ABCC11: variants seen among roughly 807,000 people sequenced by gnomAD.
ABCC11 encodes the protein ATP-binding cassette sub-family C member 11.
In ABCC11, 135 loss-of-function variants were observed where a neutral mutation model predicts 149.3. That is an observed-to-expected ratio of 0.90 (90% CI 0.79 to 1.04). The LOEUF is 1.04. Among genes scored for constraint, ABCC11 ranks in the 50% least tolerant of loss-of-function variants. The pLI, the probability that ABCC11 is intolerant of heterozygous loss-of-function variation, is 0.00. For synonymous variants in ABCC11, 665 were observed against 671.4 expected, an observed-to-expected ratio of 0.99 and a Z score of 0.15; for missense variants, 1,680 against 1,722.1, an observed-to-expected ratio of 0.98 and a Z score of 0.43.
At chr16:48,245,956 G>A (rs1388167280) in intron 1 of ABCC11, among the ~76,000 whole-genome samples, 2 of 152,106 alleles carry the variant, frequency 1.3e-5, no homozygotes, top group Admixed American at 1.3e-4. Flanking sequence ...TTTCCTGGCA[G>A]TTATCCCTTA....
intron 1 of ABCC11, chr16:48,244,639 C>T: frequency 7.5e-7 from 1 of 1,340,296 alleles, no homozygotes; most frequent in Non-Finnish European, 9.5e-7. Context: ...TGGCTGCCCC[C>T]GCGGCGGCGG....
rs1320379455 is a variant in ABCC11 at position 48,205,509 on chromosome 16, AC to A, written c.1708del (p.Val570CysfsTer43). The A allele has an allele frequency of 6.2e-7, 1 of 1,613,700 alleles. No individual in the cohort carries two copies. Among genetic ancestry groups the A allele is most frequent in the Admixed American group, 1.7e-5 (1 of 60,006 alleles). ...GGGGACATAGGCCAGGCTTCCCTGC[AC>A]CCCCACCGAGCCCTCGAGCAAGTGC... ...EMHLLEGSVG[V>X]QGSLAYVPQQ... On this transcript the variant is annotated frameshift_variant, in exon 13 of 30. Coordinates refer to ENST00000356608, the MANE Select transcript of ABCC11 (RefSeq NM_001370497.1). LOFTEE classifies it high-confidence loss of function.
intron 1 of ABCC11, among the ~76,000 whole-genome samples, chr16:48,245,847 G>T (rs997534982): frequency 6.6e-6 from 1 of 151,848 alleles, no homozygotes; most frequent in Admixed American, 6.6e-5. Context: ...CTGGTATATC[G>T]TATGCTCTCA....
chr16:48,239,966 A>G (rs781603334), intron 1 of ABCC11, among the ~76,000 whole-genome samples: 4 of 152,242 alleles, frequency 2.6e-5, no homozygotes, highest in Non-Finnish European at 5.9e-5. Context: ...AATCAAAACC[A>G]CAGTGAGATG....
chr16:48,185,057 A>G (rs73540877), intron 22 of ABCC11, among the ~76,000 whole-genome samples: 8 of 152,298 alleles, frequency 5.3e-5, no homozygotes, highest in African/African-American at 1.9e-4. Context: ...GGTCTCTGGG[A>G]GCTTAAAGGT....
At chr16:48,195,878 G>C (rs7191844) in intron 18 of ABCC11, among the ~76,000 whole-genome samples, 25,579 of 152,098 alleles carry the variant, frequency 0.17, 2,275 homozygotes, top group Middle Eastern at 0.22. Flanking sequence ...GAAATAATGA[G>C]GCAGGGGCAC....
intron 23 of ABCC11, among the ~76,000 whole-genome samples, chr16:48,180,296 C>T (rs1966347491): frequency 6.6e-6 from 1 of 152,236 alleles, no homozygotes. Context: ...TATCTCCTCT[C>T]CAGCCTTTGA....
rs140765057 is a variant in ABCC11 at position 48,193,950 on chromosome 16, C to T, written c.2437G>A (p.Val813Met). 198 of 1,613,870 alleles carry T rather than the reference C, an allele frequency of 1.2e-4. No homozygotes were observed. In the Admixed American group the frequency reaches 1.8e-3, roughly 15 times the overall value. The change falls in exon 19 of 30, where the codon GTG (valine) becomes ATG (methionine). Residue 813 changes from valine (V) to methionine (M), a missense_variant. Coordinates refer to ENST00000356608, the MANE Select transcript of ABCC11 (RefSeq NM_001370497.1). Reference protein sequence around the residue: ...YMVSCIIFFFVVLIVFLTIFS... With the variant: ...YMVSCIIFFFMVLIVFLTIFS... ...ATCGTTAAGAAGACGATCAGCACCA[C>T]GAAGAAGAAAATTATGCAAGAGACC...
At chr16:48,181,821 G>A (rs1473820033) in intron 23 of ABCC11, among the ~76,000 whole-genome samples, 2 of 152,126 alleles carry the variant, frequency 1.3e-5, no homozygotes, top group East Asian at 1.9e-4. Context: ...CACCATGTTA[G>A]CCAGGATAGT....
chr16:48,223,688 G>A (rs1969895696), intron 5 of ABCC11: 1 of 152,520 alleles, frequency 6.6e-6, no homozygotes, highest in Non-Finnish European at 1.5e-5. Context: ...CAGTGATCAT[G>A]TGACCCCAGC....
intron 1 of ABCC11, among the ~76,000 whole-genome samples, chr16:48,235,726 C>A (rs1482305123): frequency 6.6e-6 from 1 of 152,180 alleles, no homozygotes; most frequent in Non-Finnish European, 1.5e-5. Context: ...GTAAGACCAT[C>A]ATTGTAGTCA....
rs1969257267 is a variant in ABCC11 at position 48,215,351 on chromosome 16, T to A, written c.952-7A>T. The A allele has an allele frequency of 6.2e-7, 1 of 1,611,756 alleles. No homozygotes were observed. The highest frequency in any genetic ancestry group is 1.3e-5 in the African/African-American group (1 of 74,842). On this transcript the variant is annotated splice_polypyrimidine_tract_variant and splice_region_variant and intron_variant, in intron 7 of 29. Transcript: ENST00000356608. ...CCATTCTTGTCATGAATACCTGGAG[T>A]CAGGATACAGCAAGTTTGGAGTTGA...
intron 26 of ABCC11, among the ~76,000 whole-genome samples, chr16:48,173,069 C>CT (rs1965819643): frequency 6.6e-6 from 1 of 152,164 alleles, no homozygotes; most frequent in Non-Finnish European, 1.5e-5. Flanking sequence ...CTCCAAAGCA[C>CT]TTTCATAGAT....
chr16:48,235,120 A>G (rs1156801298), intron 1 of ABCC11: 1 of 152,146 alleles, frequency 6.6e-6, no homozygotes, highest in Non-Finnish European at 1.5e-5. Flanking sequence ...AAGAAATTAG[A>G]TTTTCTCTCA....
chr16:48,174,453 T>C (rs1457419226), intron 26 of ABCC11, among the ~76,000 whole-genome samples: 2 of 152,188 alleles, frequency 1.3e-5, no homozygotes, highest in Non-Finnish European at 2.9e-5. Flanking sequence ...TCTTCCTCAG[T>C]CCCCATGCCT....
At chr16:48,227,086 G>GGA (rs1400173875) in intron 4 of ABCC11, among the ~76,000 whole-genome samples, 1 of 152,144 alleles carries the variant, frequency 6.6e-6, no homozygotes, top group African/African-American at 2.4e-5. Flanking sequence ...TTGAGCACTG[G>GGA]GAGACTGGGC....
At position 48,213,493 on chromosome 16, in the gene ABCC11, T is replaced by C. The variant is rs1209096877; in HGVS notation, c.1306A>G (p.Ile436Val). The C allele has an allele frequency of 6.2e-7, 1 of 1,612,230 alleles. No individual in the cohort carries two copies. The highest frequency in any genetic ancestry group is 8.5e-7 in the Non-Finnish European group (1 of 1,179,118). The change falls in exon 10 of 30, where the codon ATT becomes GTT. Residue 436 changes from isoleucine (I) to valine (V), a missense_variant. By Grantham distance (29) the Ile-to-Val change is conservative. Transcript: ENST00000356608. ...LLRLSVFFVP[I>V]AVKGLTNSKS... ...GAATTCGTGAGACCTTTGACTGCAA[T>C]AGGCACAAAGAACACTGACAGCCGA...
Position 48,187,427 on chromosome 16 carries a change from C to T in ABCC11, c.2707G>A (p.Val903Ile). Reference protein sequence around the residue: ...TALHNKLFNKVFRCPMSFFDT... With the variant: ...TALHNKLFNKIFRCPMSFFDT... Reference sequence around the variant, plus strand: ...AAGAAACTCATGGGGCAGCGGAAAACCTGCAGGGACAAAATCAACGCAGAC... The same window carrying T: ...AAGAAACTCATGGGGCAGCGGAAAATCTGCAGGGACAAAATCAACGCAGAC... The change falls in exon 21 of 30, where the codon GTT becomes ATT. Residue 903 changes from valine to isoleucine, a missense_variant and splice_region_variant. Coordinates refer to ENST00000356608, the MANE Select transcript of ABCC11 (RefSeq NM_001370497.1). 2 of 1,608,242 alleles carry T rather than the reference C, an allele frequency of 1.2e-6. No individual in the cohort carries two copies. The highest frequency in any genetic ancestry group is 1.7e-6 in the Non-Finnish European group (2 of 1,176,792).
At chr16:48,244,035 A>G (rs1175270840) in intron 1 of ABCC11, among the ~76,000 whole-genome samples, 2 of 150,344 alleles carry the variant, frequency 1.3e-5, no homozygotes, top group Non-Finnish European at 2.9e-5. Context: ...AGTTCGAATC[A>G]AAAGTTAAAA....
Sources: allele counts gnomAD v4.1 joint callset (sites outside exome capture counted in the v4.1 genomes callset), GRCh38; gene constraint gnomAD v4.1.1; transcripts MANE v1.5; gene names NCBI Gene and HGNC (gene_info 2026-07-23, HGNC 2026-07-21).